NCKAP5: variants seen among roughly 807,000 people sequenced by gnomAD.
NCKAP5 encodes nck-associated protein 5.
Under a neutral mutation model 167.0 loss-of-function variants are expected in NCKAP5, and 92 were observed. The ratio of observed to expected loss-of-function variants is 0.55; its 90% CI spans 0.47 to 0.66. NCKAP5 has a LOEUF of 0.66. Ranked by LOEUF, NCKAP5 falls within the 30% of genes least tolerant of loss-of-function variation. NCKAP5 has a pLI of 0.00. For missense variants in NCKAP5, 2,378 were observed against 2,315.0 expected (o/e 1.03, Z -0.56); for synonymous variants, 891 against 877.4 (o/e 1.02, Z -0.27).
At chr2:132,701,366 T>C (rs1472676981) in intron 19 of NCKAP5, among the ~76,000 whole-genome samples, 4 of 152,174 alleles carry the variant, frequency 2.6e-5, no homozygotes, top group African/African-American at 9.7e-5. Context: ...CTCTGTAACA[T>C]TTCACTTGAA....
intron 8 of NCKAP5, among the ~76,000 whole-genome samples, chr2:132,945,147 A>G (rs1697605353): frequency 6.6e-6 from 1 of 151,666 alleles, no homozygotes. Context: ...GGAGAAGGGA[A>G]CTCTTGGATG....
chr2:133,474,177 C>G (rs114092488), intron 3 of NCKAP5, among the ~76,000 whole-genome samples: 1 of 151,346 alleles, frequency 6.6e-6, no homozygotes, highest in Non-Finnish European at 1.5e-5. Flanking sequence ...CACACACACA[C>G]GTACATACAT....
intron 2 of NCKAP5, among the ~76,000 whole-genome samples, chr2:133,520,774 A>G (rs1328853732): frequency 6.6e-6 from 1 of 152,192 alleles, no homozygotes; most frequent in African/African-American, 2.4e-5. Context: ...TTTCATATTA[A>G]TGGTACCAAT....
the NCKAP5 span, among the ~76,000 whole-genome samples, chr2:133,672,585 CT>C: frequency 2.0e-5 from 3 of 152,154 alleles, no homozygotes; most frequent in African/African-American, 7.2e-5. Context: ...CAAACTTTTC[CT>C]TTAAAGAACC....
chr2:133,358,365 G>A (rs1374444116), intron 3 of NCKAP5, among the ~76,000 whole-genome samples: 1 of 152,116 alleles, frequency 6.6e-6, no homozygotes. Flanking sequence ...AATCGCTTGA[G>A]GGCAGGAGTT....
chr2:132,808,711 G>GT (rs1685630149), intron 11 of NCKAP5, among the ~76,000 whole-genome samples: 1 of 152,098 alleles, frequency 6.6e-6, no homozygotes, highest in Admixed American at 6.6e-5. Flanking sequence ...CAATGAACCA[G>GT]TTTTTTGTTT....
chr2:133,382,824 G>A (rs866742223), intron 3 of NCKAP5, among the ~76,000 whole-genome samples: 12 of 152,260 alleles, frequency 7.9e-5, no homozygotes, highest in African/African-American at 2.9e-4. Flanking sequence ...CTGTAGTCTG[G>A]AGAGTTCAGG....
chr2:133,651,863 C>T, the NCKAP5 span, among the ~76,000 whole-genome samples: 1 of 152,170 alleles, frequency 6.6e-6, no homozygotes, highest in South Asian at 2.1e-4. Context: ...CATAGATGAA[C>T]CTTGAGGACA....
At chr2:132,743,385 A>G (rs7607745) in intron 16 of NCKAP5, among the ~76,000 whole-genome samples, 8,758 of 151,946 alleles carry the variant, frequency 0.058, 862 homozygotes, top group African/African-American at 0.2. Flanking sequence ...TGAGGTTTCT[A>G]ACATATATAG....
chr2:133,383,863 C>A (rs1686718124), intron 3 of NCKAP5, among the ~76,000 whole-genome samples: 1 of 152,186 alleles, frequency 6.6e-6, no homozygotes, highest in Non-Finnish European at 1.5e-5. Context: ...TAAATGTCTT[C>A]TTTTGAGAAG....
In NCKAP5 at chr2:132,687,712, AACACACACACACAC is replaced by A. The variant is rs3069016; in HGVS notation, c.5714-14421_5714-14408del. Among the ~76,000 whole-genome samples, 1,177 of 131,656 alleles carry A rather than the reference AACACACACACACAC, an allele frequency of 8.9e-3. 10 individuals carry two copies. Among genetic ancestry groups the A allele is most frequent in the African/African-American group, 0.031 (1,090 of 35,540 alleles). The allele number at this position is 131,656 out of a possible 152,430, so 86.4% of individuals were successfully genotyped here. ...ACTGCTAAGCACGGACACCTACCTA[AACACACACACACAC>A]ACACACACACACACACACACACACA... On this transcript the variant is annotated intron_variant, in intron 19 of 19. Transcript: ENST00000409261.
At chr2:133,629,159 C>T in the NCKAP5 span, among the ~76,000 whole-genome samples, 1 of 152,144 alleles carries the variant, frequency 6.6e-6, no homozygotes, top group Non-Finnish European at 1.5e-5. Context: ...AACTAAAGAA[C>T]TCCTGAACCA....
chr2:133,201,513 C>T (rs932898776), intron 5 of NCKAP5, among the ~76,000 whole-genome samples: 2 of 152,108 alleles, frequency 1.3e-5, no homozygotes, highest in African/African-American at 4.8e-5. Flanking sequence ...AAGACTGATA[C>T]ATATATTACA....
At chr2:132,850,921 C>T (rs950076313) in intron 11 of NCKAP5, among the ~76,000 whole-genome samples, 21 of 152,066 alleles carry the variant, frequency 1.4e-4, no homozygotes, top group African/African-American at 3.9e-4. Flanking sequence ...ACAGTGGCAT[C>T]GGCTTCCTAT....
At chr2:133,400,539 T>TA (rs1197448334) in intron 3 of NCKAP5, among the ~76,000 whole-genome samples, 3 of 152,058 alleles carry the variant, frequency 2.0e-5, no homozygotes, top group East Asian at 3.9e-4. Flanking sequence ...CGACTGGAGT[T>TA]AGACAGCCTC....
rs1169763055 is a variant in NCKAP5, at chr2:132,862,780, C to CA, written c.688-2170dup. Among the ~76,000 whole-genome samples the CA allele has an allele frequency of 9.2e-4, 93 of 100,550 alleles. No individual in the cohort carries two copies. The Middle Eastern group carries it at 0.014, about 15-fold the overall frequency. The allele number at this position is 100,550 out of a possible 152,430, so 66.0% of individuals were successfully genotyped here. A position where few individuals can be genotyped will look rare whatever the true frequency, so the allele number is the denominator to read the frequency against. The stretch of plus-strand genomic sequence containing the variant: ...AACCCAGTCTCAAAAAAAAAAAAAC[C>CA]AAAAAAAAACAAAGGTGAAACTTTC... On this transcript the variant is annotated intron_variant, in intron 10 of 19. Transcript: ENST00000409261.
intron 9 of NCKAP5, among the ~76,000 whole-genome samples, chr2:132,878,540 C>T (rs1691473004): frequency 6.6e-6 from 1 of 151,640 alleles, no homozygotes; most frequent in South Asian, 2.1e-4. Context: ...AACTGTGGCC[C>T]AAGAATATGA....
At chr2:133,474,157 C>CT (rs1559511839) in intron 3 of NCKAP5, among the ~76,000 whole-genome samples, 1 of 88,142 alleles carries the variant, frequency 1.1e-5, no homozygotes, top group African/African-American at 5.3e-5. Flanking sequence ...TCTATCTATA[C>CT]ACACACACAC....
At chr2:133,625,209 T>G in the NCKAP5 span, among the ~76,000 whole-genome samples, 3 of 152,120 alleles carry the variant, frequency 2.0e-5, no homozygotes, top group Non-Finnish European at 4.4e-5. Flanking sequence ...AATATAGGTG[T>G]AATACCATTA....
Sources: allele counts gnomAD v4.1 joint callset (sites outside exome capture counted in the v4.1 genomes callset), GRCh38; gene constraint gnomAD v4.1.1; transcripts MANE v1.5; gene names NCBI Gene and HGNC (gene_info 2026-07-23, HGNC 2026-07-21).